The following CSGALNACT1 variants were observed in gnomAD, a reference collection of about 807,000 sequenced individuals.
CSGALNACT1 encodes the protein chondroitin sulfate N-acetylgalactosaminyltransferase 1.
CSGALNACT1 carries 52 observed loss-of-function variants against 51.0 expected under a neutral mutation model. The ratio of observed to expected loss-of-function variants is 1.02; its 90% CI spans 0.82 to 1.29. CSGALNACT1 has a LOEUF of 1.29. Among genes scored for constraint, CSGALNACT1 ranks in the 50% most tolerant of loss-of-function variants. CSGALNACT1 has a pLI of 0.00. For synonymous variants in CSGALNACT1, 341 were observed against 254.4 expected (o/e 1.34, Z -3.24); for missense variants, 935 against 679.2 (o/e 1.38, Z -4.19).
chr8:19,627,094 A>C (rs989323538), intron 1 of CSGALNACT1, among the ~76,000 whole-genome samples: 1 of 152,270 alleles, frequency 6.6e-6, no homozygotes. Context: ...CATAAAATGT[A>C]CATCAGTTTT....
At chr8:19,572,798 A>G (rs1191285442) in intron 3 of CSGALNACT1, among the ~76,000 whole-genome samples, 1 of 152,230 alleles carries the variant, frequency 6.6e-6, no homozygotes, top group Non-Finnish European at 1.5e-5. Context: ...GATAATTGAC[A>G]GTAAGATTTT....
chr8:19,538,161 G>GA (rs1241261765), intron 3 of CSGALNACT1, among the ~76,000 whole-genome samples: 3 of 151,918 alleles, frequency 2.0e-5, no homozygotes. Context: ...TACAAAAAAT[G>GA]AAAAAGAGAA....
At chr8:19,664,569 T>C (rs985053205) in intron 1 of CSGALNACT1, among the ~76,000 whole-genome samples, 2 of 152,046 alleles carry the variant, frequency 1.3e-5, no homozygotes, top group Non-Finnish European at 2.9e-5. Flanking sequence ...ACAGCAAAGA[T>C]ATGGAATCTA....
intron 1 of CSGALNACT1, among the ~76,000 whole-genome samples, chr8:19,670,645 GAAGACAAA>G (rs1205297026): frequency 6.4e-5 from 1 of 15,604 alleles, no homozygotes; most frequent in African/African-American, 3.5e-4. Context: ...ATGCACTACT[GAAGACAAA>G]AAAAAAAAAA....
chr8:19,691,046 T>C (rs960369340), intron 1 of CSGALNACT1, among the ~76,000 whole-genome samples: 5 of 152,128 alleles, frequency 3.3e-5, no homozygotes, highest in African/African-American at 9.7e-5. Context: ...GAGTGGCAAT[T>C]GCACCACTGC....
chr8:19,410,921 C>T (rs1333944667), intron 8 of CSGALNACT1, among the ~76,000 whole-genome samples: 5 of 152,220 alleles, frequency 3.3e-5, no homozygotes, highest in African/African-American at 7.2e-5. Context: ...TGGAAGGACG[C>T]GCTCAATAGC....
At chr8:19,462,388 G>C (rs2065753091) in intron 4 of CSGALNACT1, among the ~76,000 whole-genome samples, 1 of 152,066 alleles carries the variant, frequency 6.6e-6, no homozygotes, top group South Asian at 2.1e-4. Context: ...GGCAGGTTAA[G>C]AATCATTAAC....
chr8:19,721,192 G>C, intron 1 of CSGALNACT1, among the ~76,000 whole-genome samples: 1 of 152,224 alleles, frequency 6.6e-6, no homozygotes, highest in Non-Finnish European at 1.5e-5. Flanking sequence ...TTTTTCTCTT[G>C]AGTCCTAGTC....
At chr8:19,531,994 T>C (rs55696969) in intron 3 of CSGALNACT1, 20,571 of 152,046 alleles carry the variant, frequency 0.14, 1,650 homozygotes, top group Non-Finnish European at 0.18. Context: ...CTCTACTTCC[T>C]GCCTGCTGGT....
At chr8:19,693,930 A>T (rs1422794107) in intron 1 of CSGALNACT1, among the ~76,000 whole-genome samples, 1 of 147,172 alleles carries the variant, frequency 6.8e-6, no homozygotes. Context: ...TTCCTGGAGC[A>T]ACCATATAAC....
intron 1 of CSGALNACT1, among the ~76,000 whole-genome samples, chr8:19,635,703 G>A (rs2055950456): frequency 6.6e-6 from 1 of 152,146 alleles, no homozygotes; most frequent in African/African-American, 2.4e-5. Context: ...GGGCATTTAG[G>A]AAGTCTTTCC....
intron 3 of CSGALNACT1, among the ~76,000 whole-genome samples, chr8:19,540,599 T>A (rs1370465408): frequency 6.6e-6 from 1 of 152,220 alleles, no homozygotes; most frequent in African/African-American, 2.4e-5. Context: ...AATGTCTTAA[T>A]GTGGTGGGCC....
At chr8:19,521,475 G>C (rs369109080) in intron 3 of CSGALNACT1, among the ~76,000 whole-genome samples, 26 of 152,282 alleles carry the variant, frequency 1.7e-4, no homozygotes, top group African/African-American at 6.0e-4. Flanking sequence ...TTGAGGTCAG[G>C]AGTTTGAGAA....
rs138157228 is a variant in CSGALNACT1 at position 19,627,664 on chromosome 8, G to A, written c.-543-25799C>T. Among the ~76,000 whole-genome samples, 1,372 of 152,046 alleles carry A rather than the reference G, an allele frequency of 9.0e-3. 20 individuals are homozygous for A. The highest frequency in any genetic ancestry group is 0.031 in the African/African-American group (1,271 of 41,476). On this transcript the variant is annotated intron_variant, in intron 1 of 9. Coordinates refer to the CSGALNACT1 transcript ENST00000332246. Reference sequence around the variant, plus strand: ...CAAAGCGAGACCTGTCTCGAAAAACGTAATAAAAAAATTAGCCAGGTATGG... The same window carrying A: ...CAAAGCGAGACCTGTCTCGAAAAACATAATAAAAAAATTAGCCAGGTATGG...
chr8:19,438,926 T>C (rs2060837263), intron 6 of CSGALNACT1, among the ~76,000 whole-genome samples: 1 of 152,182 alleles, frequency 6.6e-6, no homozygotes, highest in Non-Finnish European at 1.5e-5. Context: ...CTATTACCAT[T>C]TACCAGAAAC....
intron 1 of CSGALNACT1, among the ~76,000 whole-genome samples, chr8:19,707,804 C>G (rs1320148603): frequency 6.6e-6 from 1 of 151,992 alleles, no homozygotes; most frequent in African/African-American, 2.4e-5. Context: ...AGATCGAGAT[C>G]AGCCTGGCCA....
intron 1 of CSGALNACT1, among the ~76,000 whole-genome samples, chr8:19,653,952 C>T (rs796457289): frequency 6.6e-6 from 1 of 152,180 alleles, no homozygotes; most frequent in East Asian, 1.9e-4. Context: ...CCATTCCCCT[C>T]TCCCCTTCCT....
At chr8:19,734,755 G>T (rs531490385) in intron 1 of CSGALNACT1, among the ~76,000 whole-genome samples, 3 of 152,242 alleles carry the variant, frequency 2.0e-5, no homozygotes, top group African/African-American at 7.2e-5. Flanking sequence ...AGACCGGATA[G>T]CTGAAGAAAA....
upstream of CSGALNACT1, among the ~76,000 whole-genome samples, chr8:19,683,620 G>T (rs908588340): frequency 1.3e-5 from 2 of 152,032 alleles, no homozygotes; most frequent in African/African-American, 4.8e-5. Context: ...CCAAGCACAT[G>T]AAAGGAAAAT....
Sources: allele counts gnomAD v4.1 joint callset (sites outside exome capture counted in the v4.1 genomes callset), GRCh38; gene constraint gnomAD v4.1.1; transcripts MANE v1.5; gene names NCBI Gene and HGNC (gene_info 2026-07-23, HGNC 2026-07-21).